TTC27: variants seen among roughly 807,000 people sequenced by gnomAD.
The protein encoded by TTC27 is tetratricopeptide repeat domain 27.
A neutral mutation model predicts 115.9 loss-of-function variants in TTC27; 79 were observed. The observed-to-expected ratio is 0.68, with a 90% CI of 0.57 to 0.82. TTC27 has a LOEUF of 0.82. Ranked by LOEUF, TTC27 falls within the 40% of genes least tolerant of loss-of-function variation. TTC27 has a pLI of 0.00. For synonymous variants in TTC27, 401 were observed against 356.0 expected, an observed-to-expected ratio of 1.13 and a Z score of -1.42; for missense variants, 1,054 against 993.1, an observed-to-expected ratio of 1.06 and a Z score of -0.82.
At chr2:32,797,173 CAAA>C (rs61136534) in intron 16 of TTC27, among the ~76,000 whole-genome samples, 4 of 80,518 alleles carry the variant, frequency 5.0e-5, no homozygotes, top group Non-Finnish European at 5.1e-5. Context: ...AACTCTGTCT[CAAA>C]AAAAAAAAAA....
intron 12 of TTC27, among the ~76,000 whole-genome samples, chr2:32,741,522 T>C (rs919013861): frequency 6.6e-6 from 1 of 150,710 alleles, no homozygotes; most frequent in Non-Finnish European, 1.5e-5. Flanking sequence ...CGTGGTGGCA[T>C]GTGCCTGTAG....
At chr2:32,670,911 G>A (rs952459559) in intron 7 of TTC27, among the ~76,000 whole-genome samples, 11 of 148,978 alleles carry the variant, frequency 7.4e-5, no homozygotes, top group African/African-American at 2.2e-4. Flanking sequence ...GAGCCACCAT[G>A]CCTGGCCTCT....
intron 16 of TTC27, among the ~76,000 whole-genome samples, chr2:32,800,745 C>T (rs914023798): frequency 6.6e-6 from 1 of 152,084 alleles, no homozygotes; most frequent in Non-Finnish European, 1.5e-5. Flanking sequence ...AGTGATCCAC[C>T]TGCCTCGGCC....
At chr2:32,777,693 A>G (rs1321434322) in intron 13 of TTC27, among the ~76,000 whole-genome samples, 189 bp from the exon 14 acceptor site, 5 of 152,222 alleles carry the variant, frequency 3.3e-5, no homozygotes, top group African/African-American at 1.2e-4. Flanking sequence ...TTACATTGAA[A>G]ATTATATGGA....
At chr2:32,789,784 G>A (rs1323147566) in intron 16 of TTC27, among the ~76,000 whole-genome samples, 2 of 151,434 alleles carry the variant, frequency 1.3e-5, no homozygotes, top group Admixed American at 6.6e-5. Flanking sequence ...AATTCAGCTG[G>A]GCTTGGTAAT....
chr2:32,664,814 C>A (rs1665705992), intron 6 of TTC27, among the ~76,000 whole-genome samples: 1 of 151,456 alleles, frequency 6.6e-6, no homozygotes, highest in Non-Finnish European at 1.5e-5. Flanking sequence ...TTGTAAATAC[C>A]CACCTATTCT....
chr2:32,676,532 C>A lies in TTC27; in HGVS notation c.1053-2324C>A, dbSNP rs546368770. ...TTGGAGATGGATTCTTGCTCTGTTG[C>A]CCAGGCTGGAGTGCAGTGGCACGAT... is the stretch of plus-strand genomic sequence containing the variant. On this transcript the variant is annotated intron_variant, in intron 8 of 19. Transcript: ENST00000317907. 1.2e-4 allele frequency among the ~76,000 whole-genome samples: 16 copies of A among 132,174 alleles called. No homozygotes were observed. In the South Asian group the frequency reaches 3.8e-3, roughly 31 times the overall value. The allele number at this position is 132,174 out of a possible 152,430, so 86.7% of individuals were successfully genotyped here.
Position 32,662,368 on chromosome 2 carries a change from G to A in TTC27, c.641-1935G>A, listed in dbSNP as rs572830013. On this transcript the variant is annotated intron_variant, in intron 5 of 19. Coordinates refer to ENST00000317907, the MANE Select transcript of TTC27 (RefSeq NM_017735.5). Reference sequence around the variant, plus strand: ...GTACCAGCTCCTCTTTGTACCTCTGGTAGAATTCGGCTGTGAATCTGTCTG... The same window carrying A: ...GTACCAGCTCCTCTTTGTACCTCTGATAGAATTCGGCTGTGAATCTGTCTG... Among the ~76,000 whole-genome samples the A allele has an allele frequency of 2.6e-5, 4 of 152,242 alleles. 1 individual carries two copies. In the South Asian group the frequency reaches 8.3e-4, roughly 32 times the overall value.
Position 32,630,704 on chromosome 2 carries a change from G to C in TTC27, c.266+4G>C. 1 of 1,595,944 alleles carries C rather than the reference G, an allele frequency of 6.3e-7. No individual in the cohort carries two copies. The highest frequency in any genetic ancestry group is 8.5e-7 in the Non-Finnish European group (1 of 1,173,156). On this transcript the variant is annotated splice_donor_region_variant and intron_variant, in intron 2 of 19. Transcript: ENST00000317907. ...CAGATTTGGACACAACGGAAAGGTA[G>C]AATTTTATTTGAAATTTTCATAGAG...
intron 16 of TTC27, among the ~76,000 whole-genome samples, chr2:32,806,953 A>G (rs1671152385): frequency 6.6e-6 from 1 of 152,188 alleles, no homozygotes; most frequent in Non-Finnish European, 1.5e-5. Context: ...GTACATACAG[A>G]AAAGTATGCA....
At chr2:32,638,956 C>T (rs1158731063) in intron 3 of TTC27, among the ~76,000 whole-genome samples, 1 of 152,048 alleles carries the variant, frequency 6.6e-6, no homozygotes, top group Non-Finnish European at 1.5e-5. Context: ...CCTCAGCCTC[C>T]CAAGTAGCTG....
At chr2:32,747,867 T>G (rs1668881712) in intron 12 of TTC27, among the ~76,000 whole-genome samples, 1 of 152,140 alleles carries the variant, frequency 6.6e-6, no homozygotes, top group Non-Finnish European at 1.5e-5. Flanking sequence ...GGTAGTAATG[T>G]CTCCTTTTCT....
chr2:32,669,528 A>C (rs1665929035), intron 7 of TTC27, among the ~76,000 whole-genome samples: 1 of 152,174 alleles, frequency 6.6e-6, no homozygotes, highest in Non-Finnish European at 1.5e-5. Flanking sequence ...ACCATTTTTC[A>C]GGAAAAGGAA....
At chr2:32,770,354 A>C (rs903674755) in intron 13 of TTC27, among the ~76,000 whole-genome samples, 3 of 152,202 alleles carry the variant, frequency 2.0e-5, no homozygotes, top group Non-Finnish European at 4.4e-5. Context: ...ACAGTTTATG[A>C]GGGATGGGGC....
chr2:32,715,758 A>T (rs1293628919), intron 10 of TTC27, among the ~76,000 whole-genome samples: 1 of 152,174 alleles, frequency 6.6e-6, no homozygotes, highest in African/African-American at 2.4e-5. Context: ...TGTCATAATG[A>T]AACCCTTGAT....
intron 4 of TTC27, among the ~76,000 whole-genome samples, chr2:32,641,740 G>A (rs898590381): frequency 3.3e-5 from 5 of 152,024 alleles, no homozygotes; most frequent in South Asian, 4.1e-4. Context: ...GTGCAATGGC[G>A]CGATCTCGGC....
rs1351062333 is a variant in TTC27, at chr2:32,787,153, G to A, written c.1998+4G>A. On this transcript the variant is annotated splice_donor_region_variant and intron_variant, in intron 16 of 19. Transcript: ENST00000317907. ...TGACAAATACAAAGATGTTCAGGTA[G>A]GATATTCCTATTCCGTTATTTCAGT... 6.2e-7 allele frequency: 1 copy of A among 1,606,866 alleles called. No homozygotes were observed. The highest frequency in any genetic ancestry group is 1.7e-5 in the Admixed American group (1 of 58,184).
chr2:32,808,084 C>G (rs966530890), intron 16 of TTC27, among the ~76,000 whole-genome samples: 1 of 151,980 alleles, frequency 6.6e-6, no homozygotes, highest in African/African-American at 2.4e-5. Flanking sequence ...AGGTACCCAC[C>G]ACCACACCCT....
intron 13 of TTC27, among the ~76,000 whole-genome samples, chr2:32,762,498 G>C (rs888244873): frequency 6.6e-6 from 1 of 152,168 alleles, no homozygotes; most frequent in African/African-American, 2.4e-5. Flanking sequence ...TTTCTTTGGA[G>C]CTTTGTTTTA....
Sources: allele counts gnomAD v4.1 joint callset (sites outside exome capture counted in the v4.1 genomes callset), GRCh38; gene constraint gnomAD v4.1.1; transcripts MANE v1.5; gene names NCBI Gene and HGNC (gene_info 2026-07-23, HGNC 2026-07-21).